AKAP7: variants seen among roughly 807,000 people sequenced by gnomAD.
The protein encoded by AKAP7 is A kinase (PRKA) anchor protein 7.
Under a neutral mutation model 39.5 loss-of-function variants are expected in AKAP7, and 39 were observed. The observed-to-expected ratio is 0.99, with a 90% CI of 0.76 to 1.29. AKAP7 has a LOEUF of 1.29. AKAP7 is among the 50% of genes most tolerant of loss of function. The pLI is 0.00. For synonymous variants in AKAP7, 140 were observed against 139.1 expected, an observed-to-expected ratio of 1.01 and a Z score of -0.05; for missense variants, 414 against 407.7, an observed-to-expected ratio of 1.02 and a Z score of -0.13.
chr6:131,225,813 C>T (rs1585127220), intron 7 of AKAP7, among the ~76,000 whole-genome samples: 1 of 152,244 alleles, frequency 6.6e-6, no homozygotes, highest in East Asian at 1.9e-4. Context: ...TTTTAGTGCA[C>T]ATGAAGTAGG....
intron 7 of AKAP7, among the ~76,000 whole-genome samples, chr6:131,234,521 A>G (rs1478887064): frequency 6.6e-6 from 1 of 152,166 alleles, no homozygotes; most frequent in Admixed American, 6.5e-5. Context: ...AGAAAGCAGC[A>G]TAAGCGACCC....
chr6:131,156,338 A>AT (rs1442584399), intron 2 of AKAP7, among the ~76,000 whole-genome samples: 1 of 152,152 alleles, frequency 6.6e-6, no homozygotes, highest in East Asian at 1.9e-4. Flanking sequence ...ATTATATTTA[A>AT]TTTAAAAAAC....
intron 5 of AKAP7, among the ~76,000 whole-genome samples, chr6:131,180,834 G>GTT (rs59511934): frequency 9.0e-6 from 1 of 111,050 alleles, no homozygotes. Flanking sequence ...TGTTTGTTTT[G>GTT]TTTTTTTTTT....
intron 4 of AKAP7, among the ~76,000 whole-genome samples, chr6:131,166,152 A>G (rs181881824): frequency 2.6e-5 from 4 of 152,290 alleles, no homozygotes; most frequent in Non-Finnish European, 4.4e-5. Context: ...TTAGAGGTCA[A>G]TCTTATGATC....
At chr6:131,273,282 C>T (rs1399257404) in intron 7 of AKAP7, among the ~76,000 whole-genome samples, 1 of 152,130 alleles carries the variant, frequency 6.6e-6, no homozygotes, top group Non-Finnish European at 1.5e-5. Context: ...ATCAACATCT[C>T]TGACTGTTCA....
chr6:131,248,558 G>A (rs150750263), intron 7 of AKAP7, among the ~76,000 whole-genome samples: 166 of 152,280 alleles, frequency 1.1e-3, no homozygotes, highest in Non-Finnish European at 1.9e-3. Context: ...GTACTGTAGA[G>A]GATCCTAATA....
chr6:131,265,453 C>G (rs1015043256), intron 7 of AKAP7, among the ~76,000 whole-genome samples: 1 of 152,076 alleles, frequency 6.6e-6, no homozygotes, highest in Non-Finnish European at 1.5e-5. Context: ...TGACAGCAGC[C>G]CTGTGGTGTA....
intron 7 of AKAP7, among the ~76,000 whole-genome samples, chr6:131,255,046 A>G (rs1812734269): frequency 6.6e-6 from 1 of 152,166 alleles, no homozygotes; most frequent in African/African-American, 2.4e-5. Flanking sequence ...GGACATCTAT[A>G]TTTAGATTTT....
intron 3 of AKAP7, among the ~76,000 whole-genome samples, chr6:131,163,589 C>T (rs1337427024): frequency 6.6e-6 from 1 of 152,098 alleles, no homozygotes; most frequent in Non-Finnish European, 1.5e-5. Flanking sequence ...TTCCACTGGT[C>T]TTTGATTTTA....
At chr6:131,129,181 G>C in the AKAP7 span, among the ~76,000 whole-genome samples, 2 of 151,668 alleles carry the variant, frequency 1.3e-5, no homozygotes, top group African/African-American at 4.8e-5. Context: ...CAGCTACCAG[G>C]GAGGCTGAGG....
chr6:131,160,196 G>C lies in AKAP7; in HGVS notation c.289G>C (p.Glu97Gln), dbSNP rs1802816265. ...YFLSIPITNK[E>Q]IIKGIKILQN... ...CCTGTCCATTCCAATCACCAACAAA[G>C]AGGTGCTATTTTTAAAAAGTTATTT... is the stretch of plus-strand genomic sequence containing the variant. The change falls in exon 3 of 8, where the codon GAG becomes CAG. Residue 97 changes from glutamate to glutamine, a missense_variant and splice_region_variant. Transcript: ENST00000431975. The C allele has an allele frequency of 6.3e-7, 1 of 1,596,470 alleles. No individual in the cohort carries two copies. The highest frequency in any genetic ancestry group is 1.9e-5 in the Admixed American group (1 of 53,368).
chr6:131,164,660 T>C (rs1463375049), intron 3 of AKAP7: 1 of 315,302 alleles, frequency 3.2e-6, no homozygotes, highest in Non-Finnish European at 6.2e-6. Flanking sequence ...CTAACAGAAA[T>C]GGAATGTTGT....
intron 7 of AKAP7, chr6:131,242,154 T>A (rs555907158): frequency 1.0e-6 from 1 of 985,064 alleles, no homozygotes; most frequent in East Asian, 1.1e-4. Context: ...GTGGTTCTAT[T>A]TGATCTTCTA....
At chr6:131,128,042 G>A in the AKAP7 span, among the ~76,000 whole-genome samples, 2 of 152,166 alleles carry the variant, frequency 1.3e-5, no homozygotes, top group Admixed American at 6.5e-5. Context: ...GAGGGTGGAC[G>A]CAGGGAGAGG....
chr6:131,271,833 C>T (rs1814310524), intron 7 of AKAP7, among the ~76,000 whole-genome samples: 2 of 152,148 alleles, frequency 1.3e-5, no homozygotes, highest in Admixed American at 1.3e-4. Context: ...CGAATAGGTA[C>T]ATTGCGGTTT....
intron 2 of AKAP7, among the ~76,000 whole-genome samples, chr6:131,156,715 A>G (rs1057198525): frequency 2.0e-5 from 3 of 152,062 alleles, no homozygotes; most frequent in African/African-American, 7.2e-5. Flanking sequence ...AGAAGGTGCA[A>G]GTGGTCTAGA....
At chr6:131,138,356 A>G (rs904840545) in intron 1 of AKAP7, among the ~76,000 whole-genome samples, 7 of 152,114 alleles carry the variant, frequency 4.6e-5, no homozygotes, top group African/African-American at 1.4e-4. Flanking sequence ...TCCTTTTTCC[A>G]TTGGATAACC....
At chr6:131,262,330 G>A (rs59930170) in intron 7 of AKAP7, among the ~76,000 whole-genome samples, 1 of 152,104 alleles carries the variant, frequency 6.6e-6, no homozygotes, top group Non-Finnish European at 1.5e-5. Context: ...AAATAAGTGA[G>A]TTGAGTCCCA....
At chr6:131,172,871 A>G (rs1450959368) in intron 5 of AKAP7, among the ~76,000 whole-genome samples, 1 of 152,176 alleles carries the variant, frequency 6.6e-6, no homozygotes, top group East Asian at 1.9e-4. Flanking sequence ...AATGTTGATT[A>G]TATCTTGTTA....
Sources: allele counts gnomAD v4.1 joint callset (sites outside exome capture counted in the v4.1 genomes callset), GRCh38; gene constraint gnomAD v4.1.1; transcripts MANE v1.5; gene names NCBI Gene and HGNC (gene_info 2026-07-23, HGNC 2026-07-21).